Variants in TENM3 observed in about 807,000 individuals in gnomAD.
The protein encoded by TENM3 is teneurin transmembrane protein 3.
TENM3 carries 63 observed loss-of-function variants against 255.1 expected under a neutral mutation model. The ratio of observed to expected loss-of-function variants is 0.25; its 90% CI spans 0.20 to 0.30. The LOEUF is 0.30. Among genes scored for constraint, TENM3 ranks in the 10% least tolerant of loss-of-function variants. The pLI is 1.00. For synonymous variants in TENM3, 1,306 were observed against 1,322.3 expected (o/e 0.99, Z 0.27); for missense variants, 2,929 against 3,461.1 (o/e 0.85, Z 3.86).
the TENM3 span, among the ~76,000 whole-genome samples, chr4:182,034,866 G>A: frequency 4.2e-4 from 64 of 152,166 alleles, no homozygotes; most frequent in Non-Finnish European, 6.9e-4. Context: ...GTGTCTTGGG[G>A]TTGATCTTCT....
chr4:182,066,078 G>A, the TENM3 span, among the ~76,000 whole-genome samples: 2,328 of 152,242 alleles, frequency 0.015, 53 homozygotes, highest in African/African-American at 0.053. Context: ...ACAGCTGAAC[G>A]ATTTTTCACA....
the TENM3 span, among the ~76,000 whole-genome samples, chr4:181,518,119 G>T: frequency 6.6e-6 from 1 of 152,116 alleles, no homozygotes; most frequent in Non-Finnish European, 1.5e-5. Flanking sequence ...ACCTCCTTTA[G>T]CATTTAATTT....
chr4:182,330,914 G>A (rs1763706782), intron 2 of TENM3, among the ~76,000 whole-genome samples: 1 of 152,180 alleles, frequency 6.6e-6, no homozygotes, highest in Non-Finnish European at 1.5e-5. Flanking sequence ...AAGTAAAAGT[G>A]TTCCAAATTC....
the TENM3 span, among the ~76,000 whole-genome samples, chr4:181,477,063 AATTCATTC>A: frequency 0.043 from 6,495 of 150,208 alleles, 192 homozygotes; most frequent in African/African-American, 0.087. Context: ...AGGAAAACCC[AATTCATTC>A]ATTCATTCAT....
chr4:181,896,243 G>C, the TENM3 span, among the ~76,000 whole-genome samples: 1 of 152,134 alleles, frequency 6.6e-6, no homozygotes, highest in Non-Finnish European at 1.5e-5. Flanking sequence ...CTAAAAGCTA[G>C]AGAATTTGTT....
chr4:182,791,432 G>C (rs1416164917), intron 25 of TENM3, among the ~76,000 whole-genome samples: 1 of 152,194 alleles, frequency 6.6e-6, no homozygotes, highest in Non-Finnish European at 1.5e-5. Context: ...TCTCACATTT[G>C]TTGGCCTAGT....
At chr4:182,689,783 C>T (rs1011361340) in intron 12 of TENM3, among the ~76,000 whole-genome samples, 13 of 152,204 alleles carry the variant, frequency 8.5e-5, no homozygotes, top group Non-Finnish European at 1.8e-4. Context: ...GGGCCGTATG[C>T]GGCCCAGGAC....
chr4:182,534,942 A>G (rs1309540803), intron 3 of TENM3, among the ~76,000 whole-genome samples: 2 of 152,346 alleles, frequency 1.3e-5, no homozygotes, highest in East Asian at 3.9e-4. Context: ...TATACTATGT[A>G]GCACCTTGTC....
At chr4:182,645,803 C>G (rs1345064623) in intron 5 of TENM3, among the ~76,000 whole-genome samples, 3 of 152,192 alleles carry the variant, frequency 2.0e-5, no homozygotes, top group African/African-American at 7.2e-5. Context: ...AAGCTGAAGT[C>G]TTTCGTAACC....
chr4:181,726,917 C>T, the TENM3 span, among the ~76,000 whole-genome samples: 1 of 152,208 alleles, frequency 6.6e-6, no homozygotes, highest in African/African-American at 2.4e-5. Flanking sequence ...GCTCACAGCA[C>T]TCAGGGAAAC....
At chr4:182,696,437 G>A (rs1757417159) in intron 12 of TENM3, among the ~76,000 whole-genome samples, 1 of 152,108 alleles carries the variant, frequency 6.6e-6, no homozygotes, top group Admixed American at 6.6e-5. Context: ...AATAAAAAAT[G>A]GATATGGGGC....
At chr4:182,578,175 C>T (rs1257183897) in intron 3 of TENM3, among the ~76,000 whole-genome samples, 2 of 152,108 alleles carry the variant, frequency 1.3e-5, no homozygotes, top group Non-Finnish European at 2.9e-5. Flanking sequence ...CGGGGTTTCA[C>T]CATATTGGCC....
intron 1 of TENM3, among the ~76,000 whole-genome samples, chr4:182,195,710 G>A (rs1393392773): frequency 6.6e-6 from 1 of 152,070 alleles, no homozygotes; most frequent in Admixed American, 6.5e-5. Context: ...TTAATTACTA[G>A]TCATAACCCT....
chr4:181,459,586 T>C, the TENM3 span, among the ~76,000 whole-genome samples: 1 of 151,912 alleles, frequency 6.6e-6, no homozygotes, highest in Non-Finnish European at 1.5e-5. Flanking sequence ...ACATTACATG[T>C]TAAAAAGTAT....
chr4:182,794,008 C>T, intron 26 of TENM3, 123 bp downstream of exon 26: 1 of 804,078 alleles, frequency 1.2e-6, no homozygotes. Context: ...AAATGGCTAA[C>T]CTTTTAAATG....
chr4:182,797,017 G>T (rs1766541304), intron 27 of TENM3, among the ~76,000 whole-genome samples: 1 of 152,012 alleles, frequency 6.6e-6, no homozygotes, highest in Non-Finnish European at 1.5e-5. Flanking sequence ...TCGAGTGCTG[G>T]GTTTCTAAAA....
chr4:182,141,339 A>C (rs574566388), upstream of TENM3: 1 of 152,248 alleles, frequency 6.6e-6, no homozygotes, highest in East Asian at 1.9e-4. Context: ...CCCTCTCTTG[A>C]CAACAGCTCA....
At chr4:181,516,653 G>A in the TENM3 span, among the ~76,000 whole-genome samples, 7 of 152,036 alleles carry the variant, frequency 4.6e-5, no homozygotes, top group African/African-American at 1.7e-4. Flanking sequence ...GCACATGCCT[G>A]TTATCCCAGC....
chr4:181,857,039 A>G, the TENM3 span, among the ~76,000 whole-genome samples: 1 of 152,206 alleles, frequency 6.6e-6, no homozygotes, highest in Non-Finnish European at 1.5e-5. Flanking sequence ...AACAGAAAAG[A>G]TACTAAGCTC....
Sources: allele counts gnomAD v4.1 joint callset (sites outside exome capture counted in the v4.1 genomes callset), GRCh38; gene constraint gnomAD v4.1.1; transcripts MANE v1.5; gene names NCBI Gene and HGNC (gene_info 2026-07-23, HGNC 2026-07-21).